CCDC92: variants seen among roughly 807,000 people sequenced by gnomAD.
CCDC92 encodes coiled-coil domain containing 92.
Under a neutral mutation model 24.9 loss-of-function variants are expected in CCDC92, and 12 were observed. The ratio of observed to expected loss-of-function variants is 0.48; its 90% CI spans 0.31 to 0.78. The LOEUF (loss-of-function observed/expected upper bound fraction) is 0.78. Ranked by LOEUF, CCDC92 falls within the 30% of genes least tolerant of loss-of-function variation. CCDC92 has a pLI of 0.05. For synonymous variants in CCDC92, 193 were observed against 196.3 expected (o/e 0.98, Z 0.14); for missense variants, 399 against 439.4 (o/e 0.91, Z 0.82).
At chr12:123,956,877 G>C (rs1347206008) in intron 1 of CCDC92, among the ~76,000 whole-genome samples, 2 of 152,198 alleles carry the variant, frequency 1.3e-5, no homozygotes, top group East Asian at 1.9e-4. Context: ...TGTGGGAGGA[G>C]AGTGAAATAA....
Position 123,936,973 on chromosome 12 carries a change from A to G in CCDC92, c.*85T>C, listed in dbSNP as rs1489957185. On this transcript the variant is annotated 3_prime_UTR_variant, in exon 5 of 5. Coordinates refer to ENST00000238156, the MANE Select transcript of CCDC92 (RefSeq NM_025140.3). ...TAGGTGTGAAAAGTGTTTGGCATGCATGGGATTAAACAGAAAAGGTGTGGC... is the reference window on the plus strand; with the variant it reads ...TAGGTGTGAAAAGTGTTTGGCATGCGTGGGATTAAACAGAAAAGGTGTGGC... 6.7e-7 allele frequency: 1 copy of G among 1,482,378 alleles called. No individual in the cohort carries two copies. Among genetic ancestry groups the G allele is most frequent in the Non-Finnish European group, 9.2e-7 (1 of 1,081,346 alleles). The allele number at this position is 1,482,378 out of a possible 1,614,324, so 91.8% of individuals were successfully genotyped here.
rs202226542 is a variant in CCDC92 at position 123,937,714 on chromosome 12, C to T, written c.340G>A (p.Ala114Thr). The T allele has an allele frequency of 5.8e-5, 94 of 1,614,024 alleles. No individual in the cohort carries two copies. The highest frequency in any genetic ancestry group is 7.4e-5 in the Non-Finnish European group (87 of 1,180,044). Residue 114 changes from alanine (A) to threonine (T), a missense_variant, in exon 5 of 5, where the codon GCG (alanine) becomes ACG (threonine). By Grantham distance (58) the Ala-to-Thr change is moderately conservative. Coordinates refer to ENST00000238156, the MANE Select transcript of CCDC92 (RefSeq NM_025140.3). This position sits in a 1 kb window ranked among gnomAD's most constrained non-coding sequence, Gnocchi z 8.4. Reference sequence around the variant, plus strand: ...GTGTTCTCCAGCACTGTGATCATCGCGTTTTTCTGCTCCAGTTCTTTCAAC... The same window carrying T: ...GTGTTCTCCAGCACTGTGATCATCGTGTTTTTCTGCTCCAGTTCTTTCAAC... ...ELLKELEQKN[A>T]MITVLENTIK... is the part of the protein sequence containing the mutation.
chr12:123,964,901 C>G (rs1027058173), intron 1 of CCDC92, among the ~76,000 whole-genome samples: 2 of 152,104 alleles, frequency 1.3e-5, no homozygotes, highest in African/African-American at 4.8e-5. Context: ...ATTTTGTTTT[C>G]TAAAGTTCCT....
chr12:123,960,523 G>C (rs937248925), intron 1 of CCDC92, among the ~76,000 whole-genome samples: 1 of 152,180 alleles, frequency 6.6e-6, no homozygotes, highest in East Asian at 1.9e-4. Context: ...TATGTGAACT[G>C]TCAATGCTGA....
chr12:123,955,186 C>T (rs901816800), intron 1 of CCDC92, among the ~76,000 whole-genome samples: 18 of 152,288 alleles, frequency 1.2e-4, no homozygotes, highest in African/African-American at 4.3e-4. Flanking sequence ...TGTCATTTAC[C>T]AAGATGATCC....
intron 1 of CCDC92, among the ~76,000 whole-genome samples, chr12:123,950,959 TC>T (rs1956010314): frequency 6.6e-6 from 1 of 152,098 alleles, no homozygotes; most frequent in African/African-American, 2.4e-5. Flanking sequence ...CCCAGCGGCA[TC>T]CCCCTGGGTC....
intron 1 of CCDC92, among the ~76,000 whole-genome samples, chr12:123,963,358 C>G (rs1165394989): frequency 6.6e-6 from 1 of 152,156 alleles, no homozygotes; most frequent in Non-Finnish European, 1.5e-5. Flanking sequence ...CCCTCCCGTA[C>G]CAGACAGCTG....
At chr12:123,947,429 C>G (rs1327813381) in intron 1 of CCDC92, among the ~76,000 whole-genome samples, 1 of 152,236 alleles carries the variant, frequency 6.6e-6, no homozygotes, top group African/African-American at 2.4e-5. Context: ...GCTCCTGAGT[C>G]TGGTGGGGAC....
chr12:123,964,275 TAAC>T (rs1196996307), intron 1 of CCDC92, among the ~76,000 whole-genome samples: 37 of 152,270 alleles, frequency 2.4e-4, no homozygotes, highest in Non-Finnish European at 5.0e-4. Context: ...GTGTCTGTAT[TAAC>T]AACAAGGAGG....
At chr12:123,970,562 T>C (rs1956503002) in intron 1 of CCDC92, among the ~76,000 whole-genome samples, 1 of 152,246 alleles carries the variant, frequency 6.6e-6, no homozygotes, top group Admixed American at 6.5e-5. Flanking sequence ...ACTGGTGTCA[T>C]TAAGTTAGCA....
chr12:123,947,788 C>T (rs1955916599), intron 1 of CCDC92, among the ~76,000 whole-genome samples: 1 of 152,148 alleles, frequency 6.6e-6, no homozygotes, highest in African/African-American at 2.4e-5. Context: ...CCCGAGCCAG[C>T]AGTGGCAACC....
intron 1 of CCDC92, among the ~76,000 whole-genome samples, chr12:123,949,231 C>T (rs371184930): frequency 1.3e-5 from 2 of 152,214 alleles, no homozygotes; most frequent in Admixed American, 1.3e-4. Context: ...TCATCCAGCC[C>T]GTTTGGCAAA....
chr12:123,963,677 G>A (rs1348984843), intron 1 of CCDC92, among the ~76,000 whole-genome samples: 2 of 152,178 alleles, frequency 1.3e-5, no homozygotes, highest in Admixed American at 1.3e-4. Context: ...AAGAGGGTGA[G>A]TGCAAGATAA....
At chr12:123,969,953 A>T (rs1321854963) in intron 1 of CCDC92, 1 of 152,218 alleles carries the variant, frequency 6.6e-6, no homozygotes, top group Non-Finnish European at 1.5e-5. Flanking sequence ...AAAGAAATAC[A>T]AATCATGTAT....
chr12:123,969,422 G>A (rs1279043141), intron 1 of CCDC92, among the ~76,000 whole-genome samples: 1 of 149,752 alleles, frequency 6.7e-6, no homozygotes, highest in Non-Finnish European at 1.5e-5. Flanking sequence ...AAAATGCGGA[G>A]CAAGCACAAG....
chr12:123,970,662 T>C (rs887338478), intron 1 of CCDC92, among the ~76,000 whole-genome samples: 37 of 152,240 alleles, frequency 2.4e-4, no homozygotes, highest in African/African-American at 8.2e-4. Flanking sequence ...GTCACTGCCC[T>C]TGAAGGACAT....
Position 123,937,131 on chromosome 12 carries a change from T to C in CCDC92, c.923A>G (p.Lys308Arg). Residue 308 changes from lysine (K) to arginine (R), a missense_variant, in exon 5 of 5, where the codon AAG becomes AGG. Physicochemically the swap from Lys to Arg is conservative, Grantham distance 26. Transcript: ENST00000238156. The surrounding 1 kb of genome is among the most constrained non-coding windows in gnomAD (Gnocchi z 8.4). ...ATPPQAQPEV[K>R]TLAVDQVNGG... The stretch of plus-strand genomic sequence containing the variant: ...GTTCACCTGGTCGACCGCCAGGGTC[T>C]TCACCTCGGGCTGGGCCTGCGGCGG... 1 of 1,613,468 alleles carries C rather than the reference T, an allele frequency of 6.2e-7. No individual in the cohort carries two copies. Among genetic ancestry groups the C allele is most frequent in the African/African-American group, 1.3e-5 (1 of 75,054 alleles).
At chr12:123,959,101 T>C (rs1273151888) in intron 1 of CCDC92, among the ~76,000 whole-genome samples, 3 of 152,146 alleles carry the variant, frequency 2.0e-5, no homozygotes, top group Non-Finnish European at 2.9e-5. Flanking sequence ...AGTTCTGCCC[T>C]TCGTTAAGGA....
At chr12:123,941,353 C>T (rs575576939) in intron 4 of CCDC92, among the ~76,000 whole-genome samples, 8 of 152,174 alleles carry the variant, frequency 5.3e-5, no homozygotes, top group South Asian at 2.1e-4. Context: ...AAGAAGCCCA[C>T]GGCGCCTTCC....
Sources: allele counts gnomAD v4.1 joint callset (sites outside exome capture counted in the v4.1 genomes callset), GRCh38; gene constraint gnomAD v4.1.1; non-coding constraint Gnocchi (gnomAD v3.1); transcripts MANE v1.5; gene names NCBI Gene and HGNC (gene_info 2026-07-23, HGNC 2026-07-21).